NEK1: variants seen among roughly 807,000 people sequenced by gnomAD.
NEK1 encodes serine/threonine-protein kinase Nek1.
A neutral mutation model predicts 182.1 loss-of-function variants in NEK1; 137 were observed. The observed-to-expected ratio is 0.75, with a 90% CI of 0.65 to 0.87. The LOEUF (loss-of-function observed/expected upper bound fraction) is 0.87, where lower values mean the gene tolerates loss of function less well. Ranked by LOEUF, NEK1 falls within the 40% of genes least tolerant of loss-of-function variation. NEK1 has a pLI of 0.00. For synonymous variants in NEK1, 513 were observed against 492.2 expected, an observed-to-expected ratio of 1.04 and a Z score of -0.56; for missense variants, 1,391 against 1,494.4, an observed-to-expected ratio of 0.93 and a Z score of 1.14.
intron 29 of NEK1, among the ~76,000 whole-genome samples, chr4:169,430,666 A>G (rs1228317875): frequency 6.6e-6 from 1 of 152,222 alleles, no homozygotes; most frequent in Admixed American, 6.5e-5. Flanking sequence ...ATAATAGTGT[A>G]ATGTGAATCC....
At chr4:169,592,639 G>A (rs1420860089) in intron 5 of NEK1, among the ~76,000 whole-genome samples, 1 of 151,038 alleles carries the variant, frequency 6.6e-6, no homozygotes, top group Non-Finnish European at 1.5e-5. Flanking sequence ...GGGAATGAAA[G>A]GTAACATGTT....
At chr4:169,570,343 C>G (rs1238412373) in intron 12 of NEK1, among the ~76,000 whole-genome samples, 1 of 151,956 alleles carries the variant, frequency 6.6e-6, no homozygotes, top group African/African-American at 2.4e-5. Context: ...CGGCAGCCAC[C>G]CCGTCCGGGA....
chr4:169,587,285 T>G (rs1767691061), intron 9 of NEK1, among the ~76,000 whole-genome samples: 1 of 151,886 alleles, frequency 6.6e-6, no homozygotes, highest in Non-Finnish European at 1.5e-5. Flanking sequence ...CATACAAAAT[T>G]TAACATTAAG....
At chr4:169,579,665 T>A (rs1397916347) in intron 11 of NEK1, among the ~76,000 whole-genome samples, 2 of 151,998 alleles carry the variant, frequency 1.3e-5, no homozygotes, top group African/African-American at 2.4e-5. Flanking sequence ...GGTGGGCACC[T>A]GTATTCCCAG....
intron 29 of NEK1, among the ~76,000 whole-genome samples, chr4:169,430,718 T>C (rs1021344525): frequency 6.6e-5 from 10 of 152,144 alleles, no homozygotes; most frequent in African/African-American, 1.9e-4. Flanking sequence ...ATGTACCAAA[T>C]AGTGAACCCT....
chr4:169,452,791 A>G (rs1742082458), intron 27 of NEK1, among the ~76,000 whole-genome samples: 1 of 152,180 alleles, frequency 6.6e-6, no homozygotes, highest in Non-Finnish European at 1.5e-5. Context: ...CCTATTCAAC[A>G]TAGTGTTGGA....
intron 12 of NEK1, among the ~76,000 whole-genome samples, chr4:169,574,063 G>A (rs1366806995): frequency 6.6e-6 from 1 of 152,136 alleles, no homozygotes; most frequent in Non-Finnish European, 1.5e-5. Context: ...GGAAGTTGAG[G>A]AGGTGGATTG....
chr4:169,448,311 T>TA (rs1579717000), intron 27 of NEK1, among the ~76,000 whole-genome samples: 2 of 152,286 alleles, frequency 1.3e-5, no homozygotes, highest in East Asian at 3.9e-4. Flanking sequence ...GGGACAAAGT[T>TA]AGAGTCTTTA....
At chr4:169,461,233 A>T (rs75406167) in intron 27 of NEK1, among the ~76,000 whole-genome samples, 1 of 152,096 alleles carries the variant, frequency 6.6e-6, no homozygotes. Flanking sequence ...GTCTTTGCAT[A>T]TACTAGAATA....
At chr4:169,486,271 C>T (rs1749027282) in intron 23 of NEK1, among the ~76,000 whole-genome samples, 4 of 151,916 alleles carry the variant, frequency 2.6e-5, no homozygotes, top group Admixed American at 2.6e-4. Context: ...TTTCAATTAT[C>T]GCTGTAAAAC....
At position 169,556,066 on chromosome 4, in the gene NEK1, T is replaced by C; in HGVS notation, c.1296A>G (p.Ile432Met). 2 of 1,613,254 alleles carry C rather than the reference T, an allele frequency of 1.2e-6. No individual in the cohort carries two copies. The highest frequency in any genetic ancestry group is 1.7e-6 in the Non-Finnish European group (2 of 1,179,574). Reference sequence around the variant, plus strand: ...CTCGAGAAGAAAAAGATGATGGAGCTATAGTCCCTCCACTGCCCAGAAAAG... The same window carrying C: ...CTCGAGAAGAAAAAGATGATGGAGCCATAGTCCCTCCACTGCCCAGAAAAG... ...KAPFLGSGGT[I>M]APSSFSSRGQ... The change falls in exon 17 of 36, where the codon ATA becomes ATG. Residue 432 changes from isoleucine to methionine, a missense_variant. Ile to Met is a conservative substitution (Grantham distance 10). Coordinates refer to ENST00000507142, the MANE Select transcript of NEK1 (RefSeq NM_001199397.3).
intron 12 of NEK1, among the ~76,000 whole-genome samples, chr4:169,571,931 T>G (rs10021700): frequency 0.091 from 12,842 of 141,480 alleles, 736 homozygotes; most frequent in African/African-American, 0.17. Context: ...GTAGAGAAGG[T>G]GTTTCACCAT....
chr4:169,439,201 C>A (rs1738969283), intron 27 of NEK1, among the ~76,000 whole-genome samples: 1 of 152,176 alleles, frequency 6.6e-6, no homozygotes, highest in South Asian at 2.1e-4. Context: ...TCTGCATACA[C>A]AGGGTTAAAA....
chr4:169,531,522 G>A (rs1757676194), intron 19 of NEK1, among the ~76,000 whole-genome samples: 1 of 151,328 alleles, frequency 6.6e-6, no homozygotes, highest in African/African-American at 2.4e-5. Context: ...ATGTGTATAT[G>A]CTATAGGAGA....
chr4:169,597,093 T>C (rs1012451504), intron 5 of NEK1, among the ~76,000 whole-genome samples: 3 of 152,162 alleles, frequency 2.0e-5, no homozygotes, highest in Non-Finnish European at 2.9e-5. Flanking sequence ...TAGCAAACAT[T>C]TTAAAGTTCG....
intron 5 of NEK1, among the ~76,000 whole-genome samples, chr4:169,598,354 T>C (rs1331001313): frequency 6.6e-6 from 1 of 151,632 alleles, no homozygotes; most frequent in Admixed American, 6.6e-5. Flanking sequence ...TAAGAACTGG[T>C]GATAATGAGA....
intron 23 of NEK1, among the ~76,000 whole-genome samples, chr4:169,491,136 CAAAAAAAAAA>C (rs70964208): frequency 2.2e-5 from 1 of 45,904 alleles, no homozygotes; most frequent in Non-Finnish European, 3.4e-5. Context: ...GACTCCATCT[CAAAAAAAAAA>C]AAAAAAAAAA....
At chr4:169,496,517 T>A (rs2149640411) in intron 23 of NEK1, among the ~76,000 whole-genome samples, 1 of 151,604 alleles carries the variant, frequency 6.6e-6, no homozygotes. Context: ...TTTTGCCCAT[T>A]CAGTGTGATA....
intron 27 of NEK1, among the ~76,000 whole-genome samples, chr4:169,452,185 C>G (rs918789417): frequency 1.3e-5 from 2 of 152,148 alleles, no homozygotes; most frequent in Non-Finnish European, 2.9e-5. Context: ...AATAGCTTAC[C>G]AACCAAAAGA....
Sources: gnomAD v4.1 joint callset for allele counts (sites outside exome capture counted in the v4.1 genomes callset) on GRCh38, gnomAD v4.1.1 for gene constraint, MANE v1.5 for transcripts, NCBI Gene and HGNC (gene_info 2026-07-23, HGNC 2026-07-21) for gene names.